CD247: variants seen among roughly 807,000 people sequenced by gnomAD.
CD247 encodes T-cell surface glycoprotein CD3 zeta chain.
Under a neutral mutation model 30.0 loss-of-function variants are expected in CD247, and 13 were observed. The ratio of observed to expected loss-of-function variants is 0.43; its 90% CI spans 0.28 to 0.69. The LOEUF (loss-of-function observed/expected upper bound fraction) is 0.69. Among genes scored for constraint, CD247 ranks in the 30% least tolerant of loss-of-function variants. CD247 has a pLI of 0.16. For synonymous variants in CD247, 72 were observed against 80.0 expected, an observed-to-expected ratio of 0.90 and a Z score of 0.53; for missense variants, 193 against 212.6, an observed-to-expected ratio of 0.91 and a Z score of 0.57.
rs1044399215 is a variant in CD247, at chr1:167,431,391, C to G, written c.*290G>C. 1 of 600,474 alleles carries G rather than the reference C, an allele frequency of 1.7e-6. No homozygotes were observed. Among genetic ancestry groups the G allele is most frequent in the African/African-American group, 1.9e-5 (1 of 53,864 alleles). The allele number at this position is 600,474 out of a possible 1,614,324, so 37.2% of individuals were successfully genotyped here. A position where few individuals can be genotyped will look rare whatever the true frequency, so the allele number is the denominator to read the frequency against. On this transcript the variant is annotated 3_prime_UTR_variant, in exon 8 of 8. Coordinates refer to ENST00000362089, the MANE Select transcript of CD247 (RefSeq NM_198053.3). The stretch of plus-strand genomic sequence containing the variant: ...TCAGCTGTGAGAGGCAGTGCGCCCG[C>G]CTCCCAGGGAGAACGAGGAACCGCC...
chr1:167,462,782 C>G (rs1436228690), intron 1 of CD247, among the ~76,000 whole-genome samples: 1 of 152,218 alleles, frequency 6.6e-6, no homozygotes, highest in Non-Finnish European at 1.5e-5. Context: ...GGCCTGAAGC[C>G]CTTCCGGCCC....
At chr1:167,471,277 C>T (rs1241124733) in intron 1 of CD247, among the ~76,000 whole-genome samples, 2 of 152,172 alleles carry the variant, frequency 1.3e-5, no homozygotes, top group African/African-American at 2.4e-5. Flanking sequence ...AAAATTGGCT[C>T]TATCTTTCTG....
chr1:167,439,225 G>T, intron 3 of CD247, 119 bp downstream of exon 3: 1 of 866,428 alleles, frequency 1.2e-6, no homozygotes, highest in Non-Finnish European at 2.0e-6. Context: ...TTGCAGCCGG[G>T]TCGCAGAGGT....
intron 1 of CD247, among the ~76,000 whole-genome samples, chr1:167,500,494 G>A (rs1654855915): frequency 6.6e-6 from 1 of 152,162 alleles, no homozygotes; most frequent in Non-Finnish European, 1.5e-5. Flanking sequence ...TAGAGAGGTG[G>A]CCTGTACACA....
chr1:167,498,990 G>C (rs1654802073), intron 1 of CD247, among the ~76,000 whole-genome samples: 1 of 152,198 alleles, frequency 6.6e-6, no homozygotes, highest in Non-Finnish European at 1.5e-5. Flanking sequence ...TCAGGAAAGT[G>C]CTTAGCAGTG....
intron 1 of CD247, among the ~76,000 whole-genome samples, chr1:167,461,063 C>G (rs1384941134): frequency 6.6e-6 from 1 of 152,254 alleles, no homozygotes; most frequent in Admixed American, 6.5e-5. Flanking sequence ...CAAAGCCTGC[C>G]GTGCCTGCAG....
At position 167,494,721 on chromosome 1, in the gene CD247, T is replaced by C. The variant is rs1176234111; in HGVS notation, c.58+23687A>G. On this transcript the variant is annotated intron_variant, in intron 1 of 7. Transcript: ENST00000362089. The surrounding 1 kb of genome is among the most constrained non-coding windows in gnomAD (Gnocchi z 7.3). Reference sequence around the variant, plus strand: ...GTAGTGCATTCCTCGGCATTTTGTATCTCCTATAATTCCTGGATACAGATA... The same window carrying C: ...GTAGTGCATTCCTCGGCATTTTGTACCTCCTATAATTCCTGGATACAGATA... 6.6e-6 allele frequency among the ~76,000 whole-genome samples: 1 copy of C among 152,176 alleles called. No individual in the cohort carries two copies. Among genetic ancestry groups the C allele is most frequent in the Admixed American group, 6.5e-5 (1 of 15,282 alleles).
chr1:167,441,714 AACC>A (rs1651839720), intron 1 of CD247, among the ~76,000 whole-genome samples: 24 of 152,260 alleles, frequency 1.6e-4, no homozygotes, highest in Admixed American at 1.6e-3. Flanking sequence ...GTGCCATATT[AACC>A]TTTGTCAAGC....
rs1229690623 is a variant in CD247 at position 167,494,939 on chromosome 1, C to T, written c.58+23469G>A. ...GGTGACTTGCCTTGGCTGGGCTGGACTCTGTTCTCTCCCCACCTGGACCTT... is the reference window on the plus strand; with the variant it reads ...GGTGACTTGCCTTGGCTGGGCTGGATTCTGTTCTCTCCCCACCTGGACCTT... On this transcript the variant is annotated intron_variant, in intron 1 of 7. Coordinates refer to ENST00000362089, the MANE Select transcript of CD247 (RefSeq NM_198053.3). This position sits in a 1 kb window ranked among gnomAD's most constrained non-coding sequence, Gnocchi z 7.3. Among the ~76,000 whole-genome samples, 1 of 152,184 alleles carries T rather than the reference C, an allele frequency of 6.6e-6. No individual in the cohort carries two copies. The highest frequency in any genetic ancestry group is 1.5e-5 in the Non-Finnish European group (1 of 68,030).
At chr1:167,491,234 C>G (rs538796777) in intron 1 of CD247, among the ~76,000 whole-genome samples, 4 of 152,164 alleles carry the variant, frequency 2.6e-5, no homozygotes, top group African/African-American at 9.7e-5. Context: ...AATGGTACAG[C>G]TGTTGTGGAA....
chr1:167,441,379 C>A (rs1272044747), intron 1 of CD247, among the ~76,000 whole-genome samples: 6 of 152,140 alleles, frequency 3.9e-5, no homozygotes, highest in Non-Finnish European at 7.4e-5. Context: ...TGAAGGGTTT[C>A]ATGGCCAACA....
Position 167,469,585 on chromosome 1 carries a change from G to A in CD247, c.59-28818C>T, listed in dbSNP as rs1012919838. Among the ~76,000 whole-genome samples, 4 of 152,030 alleles carry A rather than the reference G, an allele frequency of 2.6e-5. No individual in the cohort carries two copies. The South Asian group carries it at 6.2e-4, about 24-fold the overall frequency. On this transcript the variant is annotated intron_variant, in intron 1 of 7. Coordinates refer to ENST00000362089, the MANE Select transcript of CD247 (RefSeq NM_198053.3). The stretch of plus-strand genomic sequence containing the variant: ...ATCTGACATTTTCTGTTTTCCAAGC[G>A]ATTTTATTTTCAAGAACAATGCAGA...
intron 1 of CD247, among the ~76,000 whole-genome samples, chr1:167,448,014 T>G (rs1398225310): frequency 6.6e-6 from 1 of 152,060 alleles, no homozygotes; most frequent in African/African-American, 2.4e-5. Context: ...CTGGGTGTGA[T>G]GCCGACCCAT....
chr1:167,467,559 C>T (rs1386772115), intron 1 of CD247, among the ~76,000 whole-genome samples: 13 of 152,248 alleles, frequency 8.5e-5, no homozygotes, highest in Non-Finnish European at 1.9e-4. Flanking sequence ...CCCCAGGACA[C>T]TAGGGCAGGT....
intron 1 of CD247, among the ~76,000 whole-genome samples, chr1:167,453,962 T>TCAAAAACAAAAA (rs927107682): frequency 1.3e-5 from 2 of 151,846 alleles, no homozygotes; most frequent in Non-Finnish European, 2.9e-5. Flanking sequence ...AGACCCTGCC[T>TCAAAAACAAAAA]CAAAAACAAA....
In CD247 at chr1:167,474,029, T is replaced by C. The variant is rs372720289; in HGVS notation, c.59-33262A>G. On this transcript the variant is annotated intron_variant, in intron 1 of 7. Transcript: ENST00000362089. ...AGGGCTCTGCCTGCTCTGCACACCC[T>C]CTCCCTTCACCACCCCCGGAAGACT... Among the ~76,000 whole-genome samples the C allele has an allele frequency of 9.2e-5, 14 of 152,102 alleles. 1 individual carries two copies. The East Asian group carries it at 1.9e-3, about 21-fold the overall frequency.
At chr1:167,451,048 G>A (rs1454360071) in intron 1 of CD247, among the ~76,000 whole-genome samples, 1 of 152,094 alleles carries the variant, frequency 6.6e-6, no homozygotes, top group Non-Finnish European at 1.5e-5. Flanking sequence ...AGATCTGTCA[G>A]GGAAGGGCAC....
At chr1:167,488,234 A>C (rs1654296793) in intron 1 of CD247, among the ~76,000 whole-genome samples, 1 of 152,238 alleles carries the variant, frequency 6.6e-6, no homozygotes, top group African/African-American at 2.4e-5. Flanking sequence ...ATTCTAAGAA[A>C]ATTTTGAAGA....
intron 1 of CD247, among the ~76,000 whole-genome samples, chr1:167,516,778 C>G (rs1042264085): frequency 3.9e-5 from 6 of 152,302 alleles, no homozygotes; most frequent in African/African-American, 1.4e-4. Flanking sequence ...CCTCCTGCCC[C>G]CTATTTGTGG....
Sources: gnomAD v4.1 joint callset for allele counts (sites outside exome capture counted in the v4.1 genomes callset) on GRCh38, gnomAD v4.1.1 for gene constraint, Gnocchi (gnomAD v3.1) non-coding constraint, MANE v1.5 for transcripts, NCBI Gene and HGNC (gene_info 2026-07-23, HGNC 2026-07-21) for gene names.